The following DLC1 variants were observed in gnomAD, a reference collection of about 807,000 sequenced individuals.
The protein encoded by DLC1 is rho GTPase-activating protein 7.
Under a neutral mutation model 140.3 loss-of-function variants are expected in DLC1, and 54 were observed. The observed-to-expected ratio is 0.38, with a 90% CI of 0.31 to 0.48. The LOEUF is 0.48. Ranked by LOEUF, DLC1 falls within the 20% of genes least tolerant of loss-of-function variation. The probability of loss-of-function intolerance (pLI) is 0.96; values close to 1 mark genes in which losing one functional copy is unlikely to be tolerated. For missense variants in DLC1, 2,536 were observed against 1,907.0 expected (o/e 1.33, Z -6.14); for synonymous variants, 986 against 728.1 (o/e 1.35, Z -5.70).
chr8:13,298,800 C>T (rs139934514), intron 5 of DLC1, among the ~76,000 whole-genome samples: 1 of 152,106 alleles, frequency 6.6e-6, no homozygotes, highest in African/African-American at 2.4e-5. Flanking sequence ...AGCTGGACCC[C>T]AAACATCTGC....
chr8:13,488,843 T>C (rs1198807079), intron 2 of DLC1, among the ~76,000 whole-genome samples: 1 of 152,248 alleles, frequency 6.6e-6, no homozygotes, highest in African/African-American at 2.4e-5. Context: ...AAGGCACATA[T>C]ATGCTTATTC....
chr8:13,536,873 T>A (rs1406457212), intron 1 of DLC1, among the ~76,000 whole-genome samples: 3 of 152,348 alleles, frequency 2.0e-5, no homozygotes. Flanking sequence ...ACTTTAAAAT[T>A]TGTCTCAGAG....
intron 2 of DLC1, among the ~76,000 whole-genome samples, chr8:13,459,061 A>G (rs1036197604): frequency 2.0e-5 from 3 of 152,256 alleles, no homozygotes; most frequent in African/African-American, 4.8e-5. Context: ...ATAATATTTA[A>G]TAATGAAATA....
chr8:13,282,012 C>T (rs1831381382), intron 5 of DLC1, among the ~76,000 whole-genome samples: 2 of 152,096 alleles, frequency 1.3e-5, no homozygotes, highest in African/African-American at 4.8e-5. Flanking sequence ...ATCATTTATT[C>T]TGGTTGAGAT....
intron 14 of DLC1, 36 bp downstream of exon 14, chr8:13,091,282 T>C (rs769458016): frequency 1.9e-6 from 3 of 1,604,826 alleles, no homozygotes; most frequent in South Asian, 2.2e-5. Flanking sequence ...ATTCACATTA[T>C]CCTTAATAAA....
At chr8:13,515,876 AAC>A (rs1421976776), upstream of DLC1, among the ~76,000 whole-genome samples, 7 of 152,334 alleles carry the variant, frequency 4.6e-5, no homozygotes, top group East Asian at 1.3e-3. Context: ...CACAAATACA[AAC>A]ACAGAGGAAG....
intron 6 of DLC1, among the ~76,000 whole-genome samples, chr8:13,113,840 G>T (rs1033638559): frequency 2.0e-5 from 3 of 152,178 alleles, no homozygotes; most frequent in African/African-American, 7.2e-5. Context: ...GAAACAGTAA[G>T]ATATTTTACA....
chr8:13,189,807 G>A (rs867941363), intron 5 of DLC1, among the ~76,000 whole-genome samples: 2 of 152,070 alleles, frequency 1.3e-5, no homozygotes, highest in South Asian at 2.1e-4. Flanking sequence ...GCTTGAAACC[G>A]GGAGGCAGAG....
chr8:13,548,740 T>C (rs1803741855), intron 1 of DLC1, among the ~76,000 whole-genome samples: 1 of 152,044 alleles, frequency 6.6e-6, no homozygotes, highest in African/African-American at 2.4e-5. Context: ...AGACCACCTG[T>C]TAATAAACAT....
rs551525374 is a variant in DLC1, at chr8:13,267,612, A to G, written c.1348+37657T>C. 4.6e-4 allele frequency among the ~76,000 whole-genome samples: 70 copies of G among 152,250 alleles called. 3 individuals carry two copies. In the South Asian group the frequency reaches 6.6e-3, roughly 14 times the overall value. ...CACCATAAAATGTACTGTTCCCCCC[A>G]CTGCATAGTGTCAACAATCAGATGT... is the stretch of plus-strand genomic sequence containing the variant. On this transcript the variant is annotated intron_variant, in intron 5 of 17. Coordinates refer to ENST00000276297, the MANE Select transcript of DLC1 (RefSeq NM_182643.3).
intron 5 of DLC1, among the ~76,000 whole-genome samples, chr8:13,256,879 TA>T (rs570193249): frequency 0.068 from 7,157 of 105,150 alleles, 324 homozygotes; most frequent in African/African-American, 0.16. Context: ...TCCCAGAACT[TA>T]AAAAAAAAAA....
intron 4 of DLC1, among the ~76,000 whole-genome samples, chr8:13,311,085 A>G (rs1011598403): frequency 2.0e-5 from 3 of 152,216 alleles, no homozygotes; most frequent in Admixed American, 2.0e-4. Context: ...ACATAATTAT[A>G]AAAATTCAGA....
At position 13,149,674 on chromosome 8, in the gene DLC1, C is replaced by T. The variant is rs572284113; in HGVS notation, c.1349-34017G>A. Among the ~76,000 whole-genome samples the T allele has an allele frequency of 1.5e-4, 23 of 152,304 alleles. No homozygotes were observed. The South Asian group carries it at 3.9e-3, about 26-fold the overall frequency. ...TTATAGTTGATGACATTCCCCCTATCTTCAGAAAGGCAAAGAGAACCTGTG... is the reference window on the plus strand; with the variant it reads ...TTATAGTTGATGACATTCCCCCTATTTTCAGAAAGGCAAAGAGAACCTGTG... On this transcript the variant is annotated intron_variant, in intron 5 of 17. Coordinates refer to ENST00000276297, the MANE Select transcript of DLC1 (RefSeq NM_182643.3).
At chr8:13,132,260 G>A (rs1040241442) in intron 5 of DLC1, among the ~76,000 whole-genome samples, 2 of 145,900 alleles carry the variant, frequency 1.4e-5, no homozygotes, top group Non-Finnish European at 1.5e-5. Flanking sequence ...CAAGAAGCAC[G>A]TTTGCAAGCC....
chr8:13,169,350 G>A (rs1825307801), intron 5 of DLC1, among the ~76,000 whole-genome samples: 1 of 152,154 alleles, frequency 6.6e-6, no homozygotes, highest in Non-Finnish European at 1.5e-5. Flanking sequence ...ATGAGAACGT[G>A]GGAAAATTAT....
chr8:13,226,857 G>A (rs1196320753), intron 5 of DLC1, among the ~76,000 whole-genome samples: 3 of 152,178 alleles, frequency 2.0e-5, no homozygotes, highest in Admixed American at 6.5e-5. Flanking sequence ...TTAGTAGATT[G>A]TCCTGGGTAT....
At chr8:13,232,132 A>T (rs949693122) in intron 5 of DLC1, among the ~76,000 whole-genome samples, 1 of 152,108 alleles carries the variant, frequency 6.6e-6, no homozygotes, top group Non-Finnish European at 1.5e-5. Flanking sequence ...AGCAGAGACA[A>T]TTTAGGGTCA....
At chr8:13,190,765 G>T (rs990106991) in intron 5 of DLC1, among the ~76,000 whole-genome samples, 1 of 152,026 alleles carries the variant, frequency 6.6e-6, no homozygotes, top group Admixed American at 6.6e-5. Context: ...TGAGTGGAAG[G>T]GTGGCACAGG....
intron 16 of DLC1, among the ~76,000 whole-genome samples, chr8:13,088,264 T>C (rs1193719326): frequency 6.6e-6 from 1 of 152,146 alleles, no homozygotes; most frequent in East Asian, 1.9e-4. Flanking sequence ...AATTTTTTTG[T>C]AGAGATAGGG....
Sources: gnomAD v4.1 joint callset for allele counts (sites outside exome capture counted in the v4.1 genomes callset) on GRCh38, gnomAD v4.1.1 for gene constraint, MANE v1.5 for transcripts, NCBI Gene and HGNC (gene_info 2026-07-23, HGNC 2026-07-21) for gene names.